INKA2: variants seen among roughly 807,000 people sequenced by gnomAD.
The protein encoded by INKA2 is inka box actin regulator 2.
A neutral mutation model predicts 9.8 loss-of-function variants in INKA2; 3 were observed. The observed-to-expected ratio is 0.31, with a 90% CI of 0.14 to 0.79. The LOEUF (loss-of-function observed/expected upper bound fraction) is 0.79. Among genes scored for constraint, INKA2 ranks in the 30% least tolerant of loss-of-function variants. The pLI, the probability that INKA2 is intolerant of heterozygous loss-of-function variation, is 0.62. For synonymous variants in INKA2, 147 were observed against 143.3 expected, an observed-to-expected ratio of 1.03 and a Z score of -0.18; for missense variants, 392 against 384.4, an observed-to-expected ratio of 1.02 and a Z score of -0.17.
exon 1 of INKA2, chr1:111,755,780 C>A: frequency 6.2e-7 from 1 of 1,611,244 alleles, no homozygotes; most frequent in South Asian, 1.1e-5. Flanking sequence ...AGTCTCTCAG[C>A]CTCCGACTCC....
chr1:111,745,442 A>G (rs1194627128), intron 1 of INKA2: 1 of 150,500 alleles, frequency 6.6e-6, no homozygotes, highest in African/African-American at 2.4e-5. Context: ...GACTACAGGC[A>G]CATGCCACCA....
At chr1:111,748,068 G>A (rs1663312227) in intron 1 of INKA2, among the ~76,000 whole-genome samples, 1 of 152,226 alleles carries the variant, frequency 6.6e-6, no homozygotes, top group African/African-American at 2.4e-5. Flanking sequence ...TTGGGCACGT[G>A]GGAGAGTAAT....
At position 111,724,565 on chromosome 1, in the gene INKA2, G is replaced by GCA. The variant is rs71714685; in HGVS notation, c.*2401_*2402dup. The GCA allele has an allele frequency of 0.075, 10,825 of 144,368 alleles. 499 individuals carry two copies. The highest frequency in any genetic ancestry group is 0.14 in the African/African-American group (5,401 of 39,294). 8.9% of individuals were successfully genotyped at this position (144,368 alleles called of 1,614,324 possible). On this transcript the variant is annotated 3_prime_UTR_variant, in exon 2 of 2. Transcript: ENST00000357260. ...ACATGCAGTTTCTTAGCACGCGCAG[G>GCA]CACACACACACACACACACACACAC...
chr1:111,741,640 T>C, upstream of INKA2, among the ~76,000 whole-genome samples: 1 of 152,208 alleles, frequency 6.6e-6, no homozygotes, highest in East Asian at 1.9e-4. Context: ...CTGGCTTTGC[T>C]CCATCTCCAG....
At chr1:111,732,128 G>C (rs1352067345) in intron 1 of INKA2, among the ~76,000 whole-genome samples, 1 of 152,216 alleles carries the variant, frequency 6.6e-6, no homozygotes, top group African/African-American at 2.4e-5. Context: ...GCTGGTTCTT[G>C]ACTAAGAGAG....
At chr1:111,751,743 C>T (rs191210837) in intron 1 of INKA2, among the ~76,000 whole-genome samples, 38 of 152,282 alleles carry the variant, frequency 2.5e-4, no homozygotes, top group Non-Finnish European at 4.9e-4. Flanking sequence ...TCCAGACCTC[C>T]GTTTTCCCCT....
chr1:111,747,234 C>T (rs1377865576), intron 1 of INKA2: 1 of 152,184 alleles, frequency 6.6e-6, no homozygotes, highest in African/African-American at 2.4e-5. Flanking sequence ...GGAGATGTTA[C>T]GTTTTGGTGT....
At chr1:111,751,609 T>TAGA (rs1663413940) in intron 1 of INKA2, among the ~76,000 whole-genome samples, 1 of 152,232 alleles carries the variant, frequency 6.6e-6, no homozygotes, top group Non-Finnish European at 1.5e-5. Context: ...ATCTGACATG[T>TAGA]AGAAGGCTTT....
intron 1 of INKA2, chr1:111,747,255 A>G (rs1663294871): frequency 1.3e-5 from 2 of 152,314 alleles, no homozygotes; most frequent in Middle Eastern, 3.4e-3. Flanking sequence ...GGCCAATCAC[A>G]ACACCAGGAT....
chr1:111,730,519 C>T (rs17028392), intron 1 of INKA2, among the ~76,000 whole-genome samples: 5,704 of 152,228 alleles, frequency 0.037, 325 homozygotes, highest in African/African-American at 0.13. Flanking sequence ...CTGTCATCTC[C>T]GTGGCTCTCC....
At position 111,726,147 on chromosome 1, in the gene INKA2, C is replaced by A. The variant is rs1417338034; in HGVS notation, c.*821G>T. Reference sequence around the variant, plus strand: ...CCTCCTGGCTGCAGTTGTTCCTGGACATGTAGCATATCTAGGCTTGTTTCC... The same window carrying A: ...CCTCCTGGCTGCAGTTGTTCCTGGAAATGTAGCATATCTAGGCTTGTTTCC... On this transcript the variant is annotated 3_prime_UTR_variant, in exon 2 of 2. Coordinates refer to ENST00000357260, the MANE Select transcript of INKA2 (RefSeq NM_019099.5). 1 of 398,560 alleles carries A rather than the reference C, an allele frequency of 2.5e-6. No homozygotes were observed. Among genetic ancestry groups the A allele is most frequent in the Non-Finnish European group, 4.4e-6 (1 of 226,032 alleles). 24.7% of individuals were successfully genotyped at this position (398,560 alleles called of 1,614,324 possible).
In INKA2 at chr1:111,727,774, G is replaced by A; in HGVS notation, c.88C>T (p.Gln30Ter). Residue 30 changes from glutamine (Q) to a stop codon, truncating the protein, a stop_gained, in exon 2 of 2, where the codon CAG (glutamine) becomes TAG (stop). Coordinates refer to ENST00000357260, the MANE Select transcript of INKA2 (RefSeq NM_019099.5). LOFTEE classifies it low-confidence loss of function (END_TRUNC). ...CCCATCATGCAGTTCATCTGATCCT[G>A]TAAGCCATCACCCACCTCCTTCATG... The part of the protein sequence containing the change: ...MSMKEVGDGL[Q>*]DQMNCMMGAL... 1.2e-6 allele frequency: 2 copies of A among 1,609,408 alleles called. No individual in the cohort carries two copies. Among genetic ancestry groups the A allele is most frequent in the South Asian group, 1.1e-5 (1 of 91,092 alleles).
At chr1:111,740,675 A>G (rs1270041612), upstream of INKA2, among the ~76,000 whole-genome samples, 1 of 152,196 alleles carries the variant, frequency 6.6e-6, no homozygotes, top group Non-Finnish European at 1.5e-5. Context: ...AAAGTGCCAG[A>G]TATGCTAACT....
At chr1:111,740,969 T>TC (rs1260949868), upstream of INKA2, among the ~76,000 whole-genome samples, 102 of 37,978 alleles carry the variant, frequency 2.7e-3, 47 homozygotes, top group Admixed American at 6.5e-3. Flanking sequence ...AGAAACTCCG[T>TC]TTAAAAAAAA....
chr1:111,754,609 C>A, intron 1 of INKA2: 1 of 152,360 alleles, frequency 6.6e-6, no homozygotes, highest in South Asian at 2.1e-4. Flanking sequence ...GCAATCCTCC[C>A]GCCTCAGCCT....
At chr1:111,741,826 G>C (rs57710208), upstream of INKA2, among the ~76,000 whole-genome samples, 6,556 of 152,068 alleles carry the variant, frequency 0.043, 194 homozygotes, top group African/African-American at 0.081. Context: ...AGCGATTTTC[G>C]TGCCTCAGCC....
upstream of INKA2, among the ~76,000 whole-genome samples, chr1:111,742,925 G>C (rs1338766062): frequency 1.3e-5 from 2 of 152,234 alleles, no homozygotes; most frequent in Non-Finnish European, 2.9e-5. Context: ...CCAGGAGTGT[G>C]TGTGTGTTGG....
At chr1:111,732,572 C>T (rs1228795895) in intron 1 of INKA2, among the ~76,000 whole-genome samples, 3 of 149,208 alleles carry the variant, frequency 2.0e-5, no homozygotes, top group Non-Finnish European at 4.4e-5. Context: ...CTCTGTTACA[C>T]ACACACACAC....
chr1:111,745,333 G>T (rs1663250887), intron 1 of INKA2: 1 of 111,322 alleles, frequency 9.0e-6, no homozygotes, highest in Non-Finnish European at 1.7e-5. Flanking sequence ...GTCTCACTCT[G>T]TCAACCAGGT....
Sources: gnomAD v4.1 joint callset for allele counts (sites outside exome capture counted in the v4.1 genomes callset) on GRCh38, gnomAD v4.1.1 for gene constraint, MANE v1.5 for transcripts, NCBI Gene and HGNC (gene_info 2026-07-23, HGNC 2026-07-21) for gene names.